Variants in COL5A1 observed in about 807,000 individuals in gnomAD.
The protein encoded by COL5A1 is collagen alpha-1(V) chain.
In COL5A1, 16 loss-of-function variants were observed where a neutral mutation model predicts 263.7. The observed-to-expected ratio is 0.06, with a 90% CI of 0.04 to 0.09. COL5A1 has a LOEUF of 0.09. COL5A1 is among the 10% of genes least tolerant of loss of function. The pLI, the probability that COL5A1 is intolerant of heterozygous loss-of-function variation, is 1.00. For synonymous variants in COL5A1, 1,012 were observed against 1,004.5 expected, an observed-to-expected ratio of 1.01 and a Z score of -0.14; for missense variants, 2,036 against 2,540.5, an observed-to-expected ratio of 0.80 and a Z score of 4.27.
intron 11 of COL5A1, among the ~76,000 whole-genome samples, chr9:134,740,478 T>A (rs1051029916): frequency 6.6e-6 from 1 of 152,216 alleles, no homozygotes; most frequent in African/African-American, 2.4e-5. Flanking sequence ...GGAGCTGTTT[T>A]CTCTCCCAGA....
At chr9:134,706,715 G>A (rs1007154480) in intron 4 of COL5A1, among the ~76,000 whole-genome samples, 4 of 152,238 alleles carry the variant, frequency 2.6e-5, no homozygotes, top group African/African-American at 7.2e-5. Flanking sequence ...ACTCAGGCTG[G>A]CCTGACAGCA....
intron 63 of COL5A1, 116 bp from the exon 64 acceptor site, chr9:134,829,860 C>T (rs944309651): frequency 3.3e-5 from 37 of 1,130,350 alleles, no homozygotes; most frequent in African/African-American, 9.4e-5. Context: ...GCAGCCCCCC[C>T]GGCGTGAGGA....
At position 134,805,192 on chromosome 9, in the gene COL5A1, C is replaced by T. The variant is rs863223447; in HGVS notation, c.3236C>T (p.Pro1079Leu). The T allele has an allele frequency of 6.8e-6, 11 of 1,613,984 alleles. No homozygotes were observed. The highest frequency in any genetic ancestry group is 9.3e-6 in the Non-Finnish European group (11 of 1,180,034). ...CTTGGACTGAAAGGCAATGAAGGGC[C>T]CCCTGGCCCACCAGGCCCTGCGGTG... ...GALGLKGNEG[P>L]PGPPGPAGSP... is the part of the protein sequence containing the mutation. Residue 1079 changes from proline (P) to leucine (L), a missense_variant, in exon 41 of 66, where the codon CCC (proline) becomes CTC (leucine). By Grantham distance (98) the Pro-to-Leu change is moderately conservative. Around this residue, in one of 3 missense-constraint regions of COL5A1, gnomAD observed 1,078 missense variants for 1,521.4 expected, o/e 0.71. Coordinates refer to ENST00000371817, the MANE Select transcript of COL5A1 (RefSeq NM_000093.5).
intron 44 of COL5A1, among the ~76,000 whole-genome samples, chr9:134,810,692 A>G (rs1162759438): frequency 6.6e-6 from 1 of 152,084 alleles, no homozygotes; most frequent in East Asian, 1.9e-4. Context: ...TGGTTTTTTC[A>G]TCTGTTCAGA....
chr9:134,817,875 CA>C, intron 54 of COL5A1, 44 bp downstream of exon 54: 1 of 1,546,288 alleles, frequency 6.5e-7, no homozygotes, highest in Non-Finnish European at 8.8e-7. Flanking sequence ...AGACCTCCCC[CA>C]GGGGAGCCCA....
intron 2 of COL5A1, among the ~76,000 whole-genome samples, chr9:134,699,231 T>C (rs1833584031): frequency 6.6e-6 from 1 of 152,234 alleles, no homozygotes; most frequent in African/African-American, 2.4e-5. Context: ...GGTCTGCCTT[T>C]TAATGACCTC....
At chr9:134,698,520 A>G (rs1226453190) in intron 2 of COL5A1, among the ~76,000 whole-genome samples, 2 of 152,196 alleles carry the variant, frequency 1.3e-5, no homozygotes, top group African/African-American at 4.8e-5. Context: ...AGCACCTTAC[A>G]GAGGATGCAG....
At chr9:134,709,742 G>A (rs1376641192) in intron 4 of COL5A1, among the ~76,000 whole-genome samples, 1 of 152,222 alleles carries the variant, frequency 6.6e-6, no homozygotes, top group Non-Finnish European at 1.5e-5. Context: ...AGACAGGAAT[G>A]ATGTCATCTT....
At chr9:134,829,903 T>G in intron 63 of COL5A1, 73 bp from the exon 64 acceptor site, 6 of 1,518,780 alleles carry the variant, frequency 4.0e-6, no homozygotes, top group Middle Eastern at 2.3e-4. Context: ...GCCTGGGGCC[T>G]TGCTCTGGAG....
intron 2 of COL5A1, among the ~76,000 whole-genome samples, chr9:134,692,712 TC>T (rs1409623952): frequency 6.6e-6 from 1 of 152,216 alleles, no homozygotes; most frequent in Non-Finnish European, 1.5e-5. Context: ...TTTGTCCTTC[TC>T]TGCTGGATTA....
intron 25 of COL5A1, among the ~76,000 whole-genome samples, chr9:134,772,208 A>G (rs1039745244): frequency 1.8e-4 from 27 of 152,154 alleles, no homozygotes; most frequent in Admixed American, 2.0e-4. Context: ...GTCAAGTAAC[A>G]CGCCTTAGCC....
At chr9:134,733,811 G>T (rs2132646705) in intron 9 of COL5A1, among the ~76,000 whole-genome samples, 1 of 152,376 alleles carries the variant, frequency 6.6e-6, no homozygotes. Flanking sequence ...AGCTACACTT[G>T]TTATTGAGAG....
rs1432074369 is a variant in COL5A1 at position 134,677,422 on chromosome 9, G to A, written c.110-13490G>A. Reference sequence around the variant, plus strand: ...AGGACAGCAGGAGAGGTTTCTCACTGCCTTCTAAATCCCGAATCTGCCCAC... The same window carrying A: ...AGGACAGCAGGAGAGGTTTCTCACTACCTTCTAAATCCCGAATCTGCCCAC... On this transcript the variant is annotated intron_variant, in intron 1 of 65. Coordinates refer to ENST00000371817, the MANE Select transcript of COL5A1 (RefSeq NM_000093.5). The surrounding 1 kb of genome is among the most constrained non-coding windows in gnomAD (Gnocchi z 4.4). 6.6e-6 allele frequency among the ~76,000 whole-genome samples: 1 copy of A among 152,116 alleles called. No homozygotes were observed. Among genetic ancestry groups the A allele is most frequent in the Non-Finnish European group, 1.5e-5 (1 of 68,030 alleles).
At chr9:134,708,894 G>T (rs1234305977) in intron 4 of COL5A1, 1 of 456,538 alleles carries the variant, frequency 2.2e-6, no homozygotes, top group African/African-American at 2.0e-5. Context: ...TTCCAGCCCC[G>T]GGTGGCCCCA....
chr9:134,753,968 G>A (rs1254052619), intron 15 of COL5A1, 65 bp downstream of exon 15: 31 of 1,374,146 alleles, frequency 2.3e-5, no homozygotes, highest in East Asian at 1.1e-4. Context: ...CAGCGACGGC[G>A]AGCATGGAGG....
intron 4 of COL5A1, among the ~76,000 whole-genome samples, chr9:134,703,586 G>C (rs551778703): frequency 1.3e-5 from 2 of 151,716 alleles, no homozygotes; most frequent in African/African-American, 4.8e-5. Flanking sequence ...TCTGTGGGTC[G>C]AGGCCCTGCC....
chr9:134,772,946 G>T (rs1202870849), intron 26 of COL5A1, 112 bp downstream of exon 26: 15 of 1,141,560 alleles, frequency 1.3e-5, no homozygotes, highest in Non-Finnish European at 2.0e-5. Flanking sequence ...AGGAGCCGGG[G>T]ACACTCAGCC....
intron 31 of COL5A1, 84 bp downstream of exon 31, chr9:134,786,132 G>A (rs1448397903): frequency 7.8e-7 from 1 of 1,278,780 alleles, no homozygotes; most frequent in Non-Finnish European, 1.1e-6. Flanking sequence ...GGCCGTGTTA[G>A]GTGTCCCGGC....
intron 1 of COL5A1, among the ~76,000 whole-genome samples, chr9:134,670,072 C>G (rs940122529): frequency 2.6e-5 from 4 of 152,226 alleles, no homozygotes; most frequent in Non-Finnish European, 5.9e-5. Context: ...GTGCCCTGCA[C>G]TTAGACACAG....
Sources: allele counts gnomAD v4.1 joint callset (sites outside exome capture counted in the v4.1 genomes callset), GRCh38; gene constraint gnomAD v4.1.1; regional missense constraint gnomAD v4.1.1; non-coding constraint Gnocchi (gnomAD v3.1); transcripts MANE v1.5; gene names NCBI Gene and HGNC (gene_info 2026-07-23, HGNC 2026-07-21).